Variants in ST6GALNAC5 observed in about 807,000 individuals in gnomAD.
The protein encoded by ST6GALNAC5 is ST6 N-acetylgalactosaminide alpha-2,6-sialyltransferase 5.
In ST6GALNAC5, 27 loss-of-function variants were observed where a neutral mutation model predicts 33.6. The observed-to-expected ratio is 0.80, with a 90% confidence interval of 0.59 to 1.11. ST6GALNAC5 has a LOEUF of 1.11. Ranked by LOEUF, ST6GALNAC5 falls within the 50% of genes least tolerant of loss-of-function variation. The probability of loss-of-function intolerance (pLI) is 0.00; values close to 1 mark genes in which losing one functional copy is unlikely to be tolerated. For missense variants in ST6GALNAC5, 428 were observed against 454.0 expected, an observed-to-expected ratio of 0.94 and a Z score of 0.52; for synonymous variants, 194 against 171.2, an observed-to-expected ratio of 1.13 and a Z score of -1.04.
intron 2 of ST6GALNAC5, among the ~76,000 whole-genome samples, chr1:76,976,599 T>C (rs1649022924): frequency 6.6e-6 from 1 of 152,192 alleles, no homozygotes; most frequent in African/African-American, 2.4e-5. Flanking sequence ...TTTGGCCCAT[T>C]TAGGTTTTTG....
chr1:76,904,435 G>C (rs565702030), intron 2 of ST6GALNAC5, among the ~76,000 whole-genome samples: 1 of 152,252 alleles, frequency 6.6e-6, no homozygotes, highest in African/African-American at 2.4e-5. Context: ...CAAATAAATT[G>C]TGGTATATTC....
intron 2 of ST6GALNAC5, among the ~76,000 whole-genome samples, chr1:76,929,389 A>G (rs1345254578): frequency 6.6e-6 from 1 of 152,088 alleles, no homozygotes; most frequent in Non-Finnish European, 1.5e-5. Flanking sequence ...AACATTAAAA[A>G]ATAGAAGGGC....
intron 2 of ST6GALNAC5, among the ~76,000 whole-genome samples, chr1:76,909,412 A>C (rs1197353545): frequency 6.6e-6 from 1 of 152,124 alleles, no homozygotes; most frequent in African/African-American, 2.4e-5. Flanking sequence ...GTTATGAAGT[A>C]TTACATAAAA....
At chr1:77,003,778 T>C (rs1352588145) in intron 2 of ST6GALNAC5, among the ~76,000 whole-genome samples, 1 of 151,144 alleles carries the variant, frequency 6.6e-6, no homozygotes, top group Non-Finnish European at 1.5e-5. Context: ...TATGAAATTC[T>C]GGGTGGAAAA....
At chr1:76,988,389 T>C (rs899508562) in intron 2 of ST6GALNAC5, among the ~76,000 whole-genome samples, 1 of 152,148 alleles carries the variant, frequency 6.6e-6, no homozygotes, top group African/African-American at 2.4e-5. Context: ...TGAAGTTATA[T>C]TTTTGTGCTC....
intron 2 of ST6GALNAC5, among the ~76,000 whole-genome samples, chr1:77,028,815 T>A (rs1651343821): frequency 6.6e-6 from 1 of 152,170 alleles, no homozygotes; most frequent in Non-Finnish European, 1.5e-5. Context: ...TTTCCCAAAG[T>A]CAACAGTTGG....
Position 77,050,300 on chromosome 1 carries a change from G to T in ST6GALNAC5, c.714G>T (p.Met238Ile). ...NTWLSTGWFT[M>I]TIALELCDRI... ...GGCTCAGCACTGGCTGGTTTACAATGACAATTGCACTGGAGCTCTGTGACA... is the reference window on the plus strand; with the variant it reads ...GGCTCAGCACTGGCTGGTTTACAATTACAATTGCACTGGAGCTCTGTGACA... Residue 238 changes from methionine (M) to isoleucine (I), a missense_variant, in exon 4 of 5, where the codon ATG becomes ATT. By Grantham distance (10) the Met-to-Ile change is conservative. Coordinates refer to ENST00000477717, the MANE Select transcript of ST6GALNAC5 (RefSeq NM_030965.3). The T allele has an allele frequency of 6.2e-7, 1 of 1,614,068 alleles. No individual in the cohort carries two copies. Among genetic ancestry groups the T allele is most frequent in the Non-Finnish European group, 8.5e-7 (1 of 1,179,942 alleles).
chr1:76,944,737 A>C (rs1276077573), intron 2 of ST6GALNAC5, among the ~76,000 whole-genome samples: 4 of 152,118 alleles, frequency 2.6e-5, no homozygotes, highest in Admixed American at 2.6e-4. Context: ...AACGTGAGAT[A>C]AGAGTTTCTG....
At chr1:77,002,468 G>A (rs1001916961) in intron 2 of ST6GALNAC5, among the ~76,000 whole-genome samples, 46 of 151,838 alleles carry the variant, frequency 3.0e-4, no homozygotes, top group African/African-American at 5.3e-4. Flanking sequence ...TTTTTTGAAC[G>A]GTTTTTTGTG....
Position 76,871,851 on chromosome 1 carries a change from C to T in ST6GALNAC5, c.261+3109C>T, listed in dbSNP as rs557796330. Among the ~76,000 whole-genome samples, 6 of 152,172 alleles carry T rather than the reference C, an allele frequency of 3.9e-5. No homozygotes were observed. The South Asian group carries it at 1.2e-3, about 32-fold the overall frequency. ...TTTCTCTTCTTTCCCAATCCCTTTC[C>T]CCAGACCAATTCCCACAAATGTTCC... On this transcript the variant is annotated intron_variant, in intron 2 of 4. Transcript: ENST00000477717.
chr1:77,030,367 A>G (rs1651407673), intron 2 of ST6GALNAC5, among the ~76,000 whole-genome samples: 1 of 152,204 alleles, frequency 6.6e-6, no homozygotes, highest in Non-Finnish European at 1.5e-5. Flanking sequence ...CTGTTTCCTC[A>G]ATATAAACTA....
intron 2 of ST6GALNAC5, among the ~76,000 whole-genome samples, chr1:76,874,139 C>T (rs1425029126): frequency 6.6e-6 from 1 of 152,184 alleles, no homozygotes; most frequent in Admixed American, 6.5e-5. Flanking sequence ...AGCTTTCAAA[C>T]TAATATTCCA....
chr1:76,949,815 A>G (rs980156053), intron 2 of ST6GALNAC5, among the ~76,000 whole-genome samples: 1 of 152,118 alleles, frequency 6.6e-6, no homozygotes, highest in East Asian at 1.9e-4. Context: ...TAACTTCTAA[A>G]TGCTCACAAA....
chr1:76,936,543 C>A (rs1647205076), intron 2 of ST6GALNAC5, among the ~76,000 whole-genome samples: 1 of 151,914 alleles, frequency 6.6e-6, no homozygotes, highest in Admixed American at 6.6e-5. Flanking sequence ...AGATCATGGG[C>A]CAGTTTCACA....
At chr1:76,923,241 CA>C (rs35184833) in intron 2 of ST6GALNAC5, among the ~76,000 whole-genome samples, 11 of 143,910 alleles carry the variant, frequency 7.6e-5, no homozygotes, top group Non-Finnish European at 1.1e-4. Context: ...CTAATTATTG[CA>C]AAAAAAATTG....
intron 2 of ST6GALNAC5, among the ~76,000 whole-genome samples, chr1:76,909,023 T>C (rs943388787): frequency 5.3e-5 from 8 of 152,206 alleles, no homozygotes; most frequent in African/African-American, 1.9e-4. Context: ...TGCTGCCATA[T>C]GGTAAAACAC....
intron 2 of ST6GALNAC5, among the ~76,000 whole-genome samples, chr1:76,928,148 G>A (rs1164121041): frequency 5.3e-5 from 8 of 151,954 alleles, no homozygotes; most frequent in Admixed American, 5.2e-4. Context: ...TGCCAGTCAG[G>A]GTGAAATATA....
At chr1:76,885,304 A>G (rs1653867843) in intron 2 of ST6GALNAC5, among the ~76,000 whole-genome samples, 1 of 152,178 alleles carries the variant, frequency 6.6e-6, no homozygotes, top group African/African-American at 2.4e-5. Flanking sequence ...TCCCTTCCCA[A>G]TTTTAAATGC....
chr1:77,008,678 C>T (rs138902125), intron 2 of ST6GALNAC5, among the ~76,000 whole-genome samples: 1,638 of 152,138 alleles, frequency 0.011, 13 homozygotes, highest in Non-Finnish European at 0.018. Flanking sequence ...TACAGGTGCC[C>T]GCCACCACAC....
Sources: allele counts gnomAD v4.1 joint callset (sites outside exome capture counted in the v4.1 genomes callset), GRCh38; gene constraint gnomAD v4.1.1; transcripts MANE v1.5; gene names NCBI Gene and HGNC (gene_info 2026-07-23, HGNC 2026-07-21).